Variants in SLC6A15 observed in about 807,000 individuals in gnomAD.
The protein encoded by SLC6A15 is sodium-dependent neutral amino acid transporter B(0)AT2.
A neutral mutation model predicts 68.5 loss-of-function variants in SLC6A15; 33 were observed. The ratio of observed to expected loss-of-function variants is 0.48; its 90% CI spans 0.37 to 0.64. SLC6A15 has a LOEUF of 0.64. Ranked by LOEUF, SLC6A15 falls within the 30% of genes least tolerant of loss-of-function variation. The pLI, the probability that SLC6A15 is intolerant of heterozygous loss-of-function variation, is 0.00. For missense variants in SLC6A15, 747 were observed against 874.3 expected, an observed-to-expected ratio of 0.85 and a Z score of 1.84; for synonymous variants, 347 against 301.0, an observed-to-expected ratio of 1.15 and a Z score of -1.58.
chr12:84,884,152 C>CAG (rs1871968173), intron 4 of SLC6A15, 112 bp from the exon 5 acceptor site: 1 of 793,396 alleles, frequency 1.3e-6, no homozygotes, highest in Admixed American at 2.5e-5. Flanking sequence ...AAAAGTACTA[C>CAG]CATTGTATAG....
At chr12:84,892,357 T>G in intron 1 of SLC6A15, 49 bp from the exon 2 acceptor site, 1 of 374,536 alleles carries the variant, frequency 2.7e-6, no homozygotes, top group South Asian at 7.6e-5. Flanking sequence ...ATGAAAAAAT[T>G]TAAATACAGA....
At chr12:84,872,878 T>A in intron 7 of SLC6A15, 84 bp from the exon 8 acceptor site, 2 of 1,234,982 alleles carry the variant, frequency 1.6e-6, no homozygotes, top group South Asian at 3.0e-5. Context: ...TATAAGCTAA[T>A]GAATGAGCAA....
intron 1 of SLC6A15, among the ~76,000 whole-genome samples, chr12:84,903,246 T>A (rs1262163257): frequency 6.6e-6 from 1 of 152,118 alleles, no homozygotes; most frequent in Non-Finnish European, 1.5e-5. Context: ...AGACAAAAAG[T>A]TTTTAAGACA....
chr12:84,874,497 C>T (rs1871427882), intron 6 of SLC6A15: 1 of 152,176 alleles, frequency 6.6e-6, no homozygotes, highest in Non-Finnish European at 1.5e-5. Context: ...TAAGTTTACA[C>T]AGCAGCTCTG....
chr12:84,869,391 G>A (rs1161610290), intron 9 of SLC6A15, among the ~76,000 whole-genome samples: 4 of 150,740 alleles, frequency 2.7e-5, no homozygotes, highest in Non-Finnish European at 5.9e-5. Flanking sequence ...GAACCCGGGA[G>A]GCGGAGCTTG....
chr12:84,864,276 T>C (rs1157592286), intron 10 of SLC6A15, among the ~76,000 whole-genome samples: 2 of 151,408 alleles, frequency 1.3e-5, no homozygotes, highest in Admixed American at 6.6e-5. Flanking sequence ...ATATAATAAC[T>C]AATTGTTATG....
intron 2 of SLC6A15, among the ~76,000 whole-genome samples, chr12:84,889,412 C>T (rs1254681069): frequency 6.6e-6 from 1 of 151,356 alleles, no homozygotes; most frequent in African/African-American, 2.5e-5. Flanking sequence ...ATGGCATGAA[C>T]CCGGGAGGCG....
intron 1 of SLC6A15, among the ~76,000 whole-genome samples, chr12:84,903,757 T>C (rs943562761): frequency 6.6e-6 from 1 of 152,200 alleles, no homozygotes; most frequent in African/African-American, 2.4e-5. Flanking sequence ...AGGGCCCATC[T>C]GGATCTTCCG....
chr12:84,888,917 T>C (rs1282359758), intron 2 of SLC6A15, among the ~76,000 whole-genome samples: 6 of 152,186 alleles, frequency 3.9e-5, no homozygotes, highest in Middle Eastern at 3.4e-3. Context: ...AGACACAAGA[T>C]TTCTTCCCCT....
At chr12:84,912,268 C>G (rs920972840) in intron 1 of SLC6A15, among the ~76,000 whole-genome samples, 2 of 152,108 alleles carry the variant, frequency 1.3e-5, no homozygotes, top group Admixed American at 1.3e-4. Flanking sequence ...ATGTGCTTCC[C>G]CTTACATGTG....
chr12:84,876,592 A>G lies in SLC6A15; in HGVS notation c.772T>C (p.Ser258Pro). 1 of 1,547,254 alleles carries G rather than the reference A, an allele frequency of 6.5e-7. No homozygotes were observed. The highest frequency in any genetic ancestry group is 1.2e-5 in the South Asian group (1 of 83,124). The change falls in exon 6 of 12, where the codon TCT becomes CCT. Residue 258 changes from serine to proline, a missense_variant. Coordinates refer to ENST00000266682, the MANE Select transcript of SLC6A15 (RefSeq NM_182767.6). ...ATAAGTACCACATATGGAAACAGAG[A>G]ACTAAAATATATGATCTGCAAAGAA... is the stretch of plus-strand genomic sequence containing the variant. ...QSSGKIIYFS[S>P]LFPYVVLICF...
intron 1 of SLC6A15, among the ~76,000 whole-genome samples, chr12:84,899,546 C>A (rs1252919106): frequency 6.6e-6 from 1 of 152,076 alleles, no homozygotes; most frequent in Admixed American, 6.6e-5. Context: ...CATTTCATTG[C>A]CAAGCATCCC....
intron 1 of SLC6A15, among the ~76,000 whole-genome samples, chr12:84,896,567 C>A (rs1417299615): frequency 6.6e-6 from 1 of 152,142 alleles, no homozygotes; most frequent in East Asian, 1.9e-4. Context: ...AGTTCCCCAG[C>A]TCACTCAATT....
chr12:84,902,140 T>C (rs1872911671), intron 1 of SLC6A15, among the ~76,000 whole-genome samples: 1 of 151,938 alleles, frequency 6.6e-6, no homozygotes, highest in African/African-American at 2.4e-5. Flanking sequence ...TTGAAATGTA[T>C]TTTGCAAATT....
At chr12:84,866,976 T>C in intron 10 of SLC6A15, 58 bp downstream of exon 10, 1 of 1,322,528 alleles carries the variant, frequency 7.6e-7, no homozygotes, top group Non-Finnish European at 1.0e-6. Context: ...TGAACATTGA[T>C]AATTGATGTT....
At chr12:84,902,511 C>T (rs1872930919) in intron 1 of SLC6A15, among the ~76,000 whole-genome samples, 1 of 148,450 alleles carries the variant, frequency 6.7e-6, no homozygotes, top group African/African-American at 2.5e-5. Context: ...AGATATATCA[C>T]AGAAAAATAA....
chr12:84,868,843 T>C (rs1211819706), intron 9 of SLC6A15, among the ~76,000 whole-genome samples: 1 of 152,164 alleles, frequency 6.6e-6, no homozygotes, highest in African/African-American at 2.4e-5. Context: ...TGCAAGCCTT[T>C]TACTACAGGA....
In SLC6A15 at chr12:84,861,803, T is replaced by G; in HGVS notation, c.2022A>C (p.Thr674=). 1 of 1,614,002 alleles carries G rather than the reference T, an allele frequency of 6.2e-7. No individual in the cohort carries two copies. The highest frequency in any genetic ancestry group is 1.3e-5 in the African/African-American group (1 of 75,022). Residue 674 remains threonine, a synonymous_variant, in exon 12 of 12, where the codon ACA becomes ACC. Coordinates refer to ENST00000266682, the MANE Select transcript of SLC6A15 (RefSeq NM_182767.6). ...KEPVNLEGDD[T]SLIHGKIPSE... ...TCGGTATTTTTCCGTGAATGAGGCT[T>G]GTATCATCGCCCTCTAAGTTCACAG...
rs1872437766 is a variant in SLC6A15 at position 84,892,194 on chromosome 12, A to G, written c.-74T>C. 1.5e-6 allele frequency: 2 copies of G among 1,360,024 alleles called. No homozygotes were observed. Among genetic ancestry groups the G allele is most frequent in the East Asian group, 4.6e-5 (2 of 43,344 alleles). The allele number at this position is 1,360,024 out of a possible 1,614,324, so 84.2% of individuals were successfully genotyped here. On this transcript the variant is annotated 5_prime_UTR_variant, in exon 2 of 12. Transcript: ENST00000266682. ...GCAAATGTGTTAACTCTATTTTTCA[A>G]AACAATGTTACTTGATAGGAAGTAA...
Sources: allele counts gnomAD v4.1 joint callset (sites outside exome capture counted in the v4.1 genomes callset), GRCh38; gene constraint gnomAD v4.1.1; transcripts MANE v1.5; gene names NCBI Gene and HGNC (gene_info 2026-07-23, HGNC 2026-07-21).